Variants in ROBO2 observed in about 807,000 individuals in gnomAD.
ROBO2 encodes roundabout homolog 2.
A neutral mutation model predicts 160.8 loss-of-function variants in ROBO2; 53 were observed. The ratio of observed to expected loss-of-function variants is 0.33; its 90% CI spans 0.26 to 0.41. ROBO2 has a LOEUF of 0.41. Among genes scored for constraint, ROBO2 ranks in the 10% least tolerant of loss-of-function variants. The pLI, the probability that ROBO2 is intolerant of heterozygous loss-of-function variation, is 1.00. For missense variants in ROBO2, 1,577 were observed against 1,722.4 expected (o/e 0.92, Z 1.49); for synonymous variants, 664 against 611.7 (o/e 1.09, Z -1.26).
intron 1 of ROBO2, among the ~76,000 whole-genome samples, chr3:77,072,433 G>A (rs1009944837): frequency 5.9e-5 from 9 of 152,256 alleles, no homozygotes; most frequent in Middle Eastern, 3.4e-3. Context: ...AGTTTCAGGT[G>A]CCAAAAGGTG....
At chr3:76,680,137 T>C (rs1218963083) in intron 2 of ROBO2, among the ~76,000 whole-genome samples, 1 of 152,118 alleles carries the variant, frequency 6.6e-6, no homozygotes, top group Admixed American at 6.6e-5. Context: ...AACCTCAAAT[T>C]CTTTACGTGA....
intron 2 of ROBO2, among the ~76,000 whole-genome samples, chr3:77,031,532 T>A (rs2063323557): frequency 6.8e-6 from 1 of 146,422 alleles, no homozygotes; most frequent in African/African-American, 2.5e-5. Flanking sequence ...TATAATATAT[T>A]CATTTGTATA....
chr3:76,665,533 A>G (rs2091984954), intron 2 of ROBO2, among the ~76,000 whole-genome samples: 1 of 151,822 alleles, frequency 6.6e-6, no homozygotes, highest in Non-Finnish European at 1.5e-5. Flanking sequence ...CACTATACCC[A>G]GATTTCAACA....
intron 2 of ROBO2, among the ~76,000 whole-genome samples, chr3:77,447,047 A>G (rs1160435296): frequency 2.6e-5 from 4 of 152,154 alleles, no homozygotes; most frequent in Non-Finnish European, 5.9e-5. Context: ...CTGGATAGCC[A>G]GAAGTTTTCT....
intron 20 of ROBO2, chr3:77,604,043 T>C (rs1422792804): frequency 6.6e-6 from 1 of 152,200 alleles, no homozygotes; most frequent in East Asian, 1.9e-4. Context: ...ATCATTAGGG[T>C]AACATTTTCT....
chr3:76,048,707 C>G (rs930094780), intron 2 of ROBO2, among the ~76,000 whole-genome samples: 1 of 152,130 alleles, frequency 6.6e-6, no homozygotes, highest in African/African-American at 2.4e-5. Flanking sequence ...AAAAAGCTAG[C>G]AAGGAAGCTT....
intron 2 of ROBO2, among the ~76,000 whole-genome samples, chr3:76,238,484 C>A (rs757993321): frequency 2.0e-5 from 3 of 151,234 alleles, no homozygotes; most frequent in Non-Finnish European, 4.4e-5. Flanking sequence ...CCCCTAGACA[C>A]AAGGGGATTA....
intron 2 of ROBO2, among the ~76,000 whole-genome samples, chr3:76,319,515 T>C (rs966509721): frequency 2.0e-5 from 3 of 152,046 alleles, no homozygotes; most frequent in Non-Finnish European, 4.4e-5. Context: ...GATTATGATG[T>C]TGAAAACAAA....
chr3:76,332,004 C>G (rs1310087015), intron 2 of ROBO2, among the ~76,000 whole-genome samples: 1 of 152,040 alleles, frequency 6.6e-6, no homozygotes, highest in Non-Finnish European at 1.5e-5. Flanking sequence ...ATTATTTAAA[C>G]TAATAGAAGA....
intron 2 of ROBO2, among the ~76,000 whole-genome samples, chr3:76,810,589 CA>C (rs1274345427): frequency 4.6e-5 from 7 of 151,976 alleles, no homozygotes; most frequent in Non-Finnish European, 7.4e-5. Context: ...ACTTAGGCAG[CA>C]TTCATATTTT....
chr3:76,199,375 A>G (rs747091465), intron 2 of ROBO2, among the ~76,000 whole-genome samples: 3 of 151,966 alleles, frequency 2.0e-5, no homozygotes, highest in Non-Finnish European at 4.4e-5. Context: ...ACCTCAAGCA[A>G]TTGAACTCTT....
chr3:75,941,254 C>T (rs190989335), intron 2 of ROBO2, among the ~76,000 whole-genome samples: 10 of 152,180 alleles, frequency 6.6e-5, no homozygotes, highest in African/African-American at 2.4e-4. Flanking sequence ...TTGCATCTGG[C>T]TCAAAAATAT....
chr3:76,790,219 T>A (rs967130612), intron 2 of ROBO2, among the ~76,000 whole-genome samples: 2 of 151,630 alleles, frequency 1.3e-5, no homozygotes, highest in Non-Finnish European at 3.0e-5. Flanking sequence ...CCTCTACATC[T>A]CCTCAGTAAC....
At chr3:76,076,294 C>G (rs2068643598) in intron 2 of ROBO2, among the ~76,000 whole-genome samples, 1 of 152,088 alleles carries the variant, frequency 6.6e-6, no homozygotes, top group South Asian at 2.1e-4. Context: ...ATAAGTAACC[C>G]AGAAGAAAAT....
In ROBO2 at chr3:76,840,619, A is replaced by T. The variant is rs1471721022; in HGVS notation, c.110-257395A>T. ...AGTGAGACTCTGTCTCAAAAAAAAA[A>T]ATTATATATATATATTAATTATATT... On this transcript the variant is annotated intron_variant, in intron 2 of 26. Coordinates refer to the ROBO2 transcript ENST00000487694. Among the ~76,000 whole-genome samples, 10 of 134,020 alleles carry T rather than the reference A, an allele frequency of 7.5e-5. No individual in the cohort carries two copies. In the East Asian group the frequency reaches 2.1e-3, roughly 28 times the overall value. 87.9% of individuals were successfully genotyped at this position (134,020 alleles called of 152,430 possible).
At chr3:76,953,561 A>G (rs2149191449) in intron 2 of ROBO2, among the ~76,000 whole-genome samples, 1 of 152,316 alleles carries the variant, frequency 6.6e-6, no homozygotes, top group East Asian at 1.9e-4. Context: ...AATTCAGCAT[A>G]CTTCCAACTC....
chr3:76,202,819 A>T (rs946438657), intron 2 of ROBO2, among the ~76,000 whole-genome samples: 1 of 152,006 alleles, frequency 6.6e-6, no homozygotes, highest in African/African-American at 2.4e-5. Context: ...TGTTCTGGAG[A>T]TGGTTGATGT....
At chr3:77,514,861 T>C (rs2089831521) in intron 5 of ROBO2, among the ~76,000 whole-genome samples, 1 of 151,700 alleles carries the variant, frequency 6.6e-6, no homozygotes, top group African/African-American at 2.4e-5. Context: ...GGAAAATACT[T>C]GAAACCTATT....
rs143377067 is a variant in ROBO2 at position 76,752,340 on chromosome 3, A to G, written c.110-345674A>G. The stretch of plus-strand genomic sequence containing the variant: ...CATTAGGAGATATACCTAATGTTAA[A>G]TGACGAGTTAGTGGGTGCAGCACAC... On this transcript the variant is annotated intron_variant, in intron 2 of 26. Transcript: ENST00000487694. Among the ~76,000 whole-genome samples, 56 of 151,994 alleles carry G rather than the reference A, an allele frequency of 3.7e-4. No individual in the cohort carries two copies. In the East Asian group the frequency reaches 0.011, roughly 29 times the overall value.
Sources: gnomAD v4.1 joint callset for allele counts (sites outside exome capture counted in the v4.1 genomes callset) on GRCh38, gnomAD v4.1.1 for gene constraint, MANE v1.5 for transcripts, NCBI Gene and HGNC (gene_info 2026-07-23, HGNC 2026-07-21) for gene names.